UQCC6: variants seen among roughly 807,000 people sequenced by gnomAD.
The protein encoded by UQCC6 is protein BRAWNIN.
At chr12:103,951,891 T>C in the UQCC6 span, among the ~76,000 whole-genome samples, 19 of 152,306 alleles carry the variant, frequency 1.2e-4, no homozygotes, top group East Asian at 1.9e-3. Context: ...TCAGAATCAA[T>C]TGACAGGTTC....
chr12:103,959,087 G>A, the UQCC6 span, among the ~76,000 whole-genome samples: 6 of 152,300 alleles, frequency 3.9e-5, no homozygotes, highest in East Asian at 9.6e-4. Flanking sequence ...TATGAAAAGT[G>A]TTGCAATCCT....
the UQCC6 span, chr12:103,955,608 G>A: frequency 2.6e-6 from 1 of 378,206 alleles, no homozygotes; most frequent in Non-Finnish European, 5.2e-6. Flanking sequence ...CTCCAACCTG[G>A]GCAACAGAAT....
the UQCC6 span, chr12:103,956,780 G>C: frequency 7.1e-7 from 1 of 1,404,248 alleles, no homozygotes; most frequent in Admixed American, 2.0e-5. Flanking sequence ...AGTGTCAGAA[G>C]TTCCAGCTCA....
At chr12:103,963,197 C>T in the UQCC6 span, among the ~76,000 whole-genome samples, 1 of 152,134 alleles carries the variant, frequency 6.6e-6, no homozygotes, top group East Asian at 1.9e-4. Flanking sequence ...TCCCAGCCTC[C>T]TGAGTAGCTG....
chr12:103,961,279 C>CA, the UQCC6 span, among the ~76,000 whole-genome samples: 1 of 151,968 alleles, frequency 6.6e-6, no homozygotes, highest in Non-Finnish European at 1.5e-5. Flanking sequence ...AGTGTTATTA[C>CA]AAAAAGGTCA....
At chr12:103,957,950 TA>T in the UQCC6 span, among the ~76,000 whole-genome samples, 533 of 145,530 alleles carry the variant, frequency 3.7e-3, 2 homozygotes, top group Middle Eastern at 0.029. Context: ...TTATATTATA[TA>T]TTTTTAATAT....
chr12:103,951,750 A>G, the UQCC6 span: 1 of 587,046 alleles, frequency 1.7e-6, no homozygotes, highest in Non-Finnish European at 3.0e-6. Context: ...CTTGCTACTC[A>G]ATGATAACTC....
the UQCC6 span, among the ~76,000 whole-genome samples, chr12:103,953,165 GA>G: frequency 6.6e-6 from 1 of 152,204 alleles, no homozygotes; most frequent in Non-Finnish European, 1.5e-5. Flanking sequence ...GTCGAAGGCA[GA>G]AGACAGGTCA....
At chr12:103,957,160 G>A in the UQCC6 span, 1 of 158,900 alleles carries the variant, frequency 6.3e-6, no homozygotes. Flanking sequence ...AGGGATGCTG[G>A]GCAACAGGTC....
At chr12:103,962,746 G>A in the UQCC6 span, among the ~76,000 whole-genome samples, 3 of 152,190 alleles carry the variant, frequency 2.0e-5, no homozygotes, top group East Asian at 1.9e-4. Flanking sequence ...GCAGAACTGC[G>A]TCTGAGCTGC....
the UQCC6 span, chr12:103,955,665 A>C: frequency 4.8e-6 from 2 of 412,446 alleles, no homozygotes; most frequent in African/African-American, 4.2e-5. Context: ...AAAAATTTCT[A>C]AAAAAAGAAA....
chr12:103,958,374 T>C, the UQCC6 span, among the ~76,000 whole-genome samples: 1 of 152,140 alleles, frequency 6.6e-6, no homozygotes, highest in Non-Finnish European at 1.5e-5. Flanking sequence ...GTTTGACATA[T>C]GTGAGACCAT....
the UQCC6 span, among the ~76,000 whole-genome samples, chr12:103,964,786 C>A: frequency 6.6e-6 from 1 of 152,130 alleles, no homozygotes; most frequent in African/African-American, 2.4e-5. Flanking sequence ...GAATATTTAC[C>A]ATGTGCCAGG....
chr12:103,959,801 CTTTTTTT>C, the UQCC6 span, among the ~76,000 whole-genome samples: 1 of 103,550 alleles, frequency 9.7e-6, no homozygotes, highest in Non-Finnish European at 2.0e-5. Context: ...TTTATTTTTA[CTTTTTTT>C]TTTTTTTTTT....
At chr12:103,952,823 A>G in the UQCC6 span, among the ~76,000 whole-genome samples, 1 of 152,182 alleles carries the variant, frequency 6.6e-6, no homozygotes, top group African/African-American at 2.4e-5. Context: ...TGCTGAACAA[A>G]GACATGGAGG....
the UQCC6 span, chr12:103,953,361 CAG>C: frequency 1.4e-6 from 1 of 701,792 alleles, no homozygotes; most frequent in Non-Finnish European, 2.6e-6. Flanking sequence ...TGAACTACAA[CAG>C]AGTCATCTCC....
At chr12:103,953,661 C>T in the UQCC6 span, 1 of 678,198 alleles carries the variant, frequency 1.5e-6, no homozygotes. Flanking sequence ...CCACCTGGGC[C>T]TTCAAGTTCC....
chr12:103,953,044 C>T, the UQCC6 span, among the ~76,000 whole-genome samples: 1 of 152,162 alleles, frequency 6.6e-6, no homozygotes, highest in Non-Finnish European at 1.5e-5. Flanking sequence ...GTGTTTTTCA[C>T]TCTGAAATGG....
chr12:103,956,028 A>C, the UQCC6 span, among the ~76,000 whole-genome samples: 1 of 152,220 alleles, frequency 6.6e-6, no homozygotes, highest in Non-Finnish European at 1.5e-5. Context: ...TGGAGCTTAC[A>C]TTCTACTGAA....
Sources: allele counts gnomAD v4.1 joint callset (sites outside exome capture counted in the v4.1 genomes callset), GRCh38; gene constraint gnomAD v4.1.1; transcripts MANE v1.5; gene names NCBI Gene and HGNC (gene_info 2026-07-23, HGNC 2026-07-21).